The following MATN2 variants were observed in gnomAD, a reference collection of about 807,000 sequenced individuals.
The protein encoded by MATN2 is matrilin-2.
A neutral mutation model predicts 103.2 loss-of-function variants in MATN2; 69 were observed. The observed-to-expected ratio is 0.67, with a 90% CI of 0.55 to 0.82. The LOEUF (loss-of-function observed/expected upper bound fraction) is 0.82, where lower values mean the gene tolerates loss of function less well. Ranked by LOEUF, MATN2 falls within the 40% of genes least tolerant of loss-of-function variation. The pLI is 0.00. For synonymous variants in MATN2, 429 were observed against 450.2 expected (o/e 0.95, Z 0.60); for missense variants, 1,023 against 1,211.5 (o/e 0.84, Z 2.31).
At chr8:97,922,421 A>G (rs1563668882) in intron 2 of MATN2, among the ~76,000 whole-genome samples, 1 of 152,184 alleles carries the variant, frequency 6.6e-6, no homozygotes, top group Non-Finnish European at 1.5e-5. Flanking sequence ...CTGAAAAAGA[A>G]TGTTAGCCTT....
chr8:97,960,456 C>T (rs989386353), intron 4 of MATN2, among the ~76,000 whole-genome samples: 2 of 152,116 alleles, frequency 1.3e-5, no homozygotes, highest in African/African-American at 4.8e-5. Flanking sequence ...TTTCATCCAC[C>T]AACATATTCT....
intron 6 of MATN2, among the ~76,000 whole-genome samples, chr8:97,986,218 T>C (rs533939188): frequency 1.3e-5 from 2 of 152,352 alleles, no homozygotes; most frequent in East Asian, 3.9e-4. Flanking sequence ...TATTCAAAAT[T>C]ATTTTCTAAA....
chr8:98,033,550 T>G lies in MATN2; in HGVS notation c.2717-11T>G, dbSNP rs747051883. 6.6e-7 allele frequency: 1 copy of G among 1,515,842 alleles called. No individual in the cohort carries two copies. The highest frequency in any genetic ancestry group is 1.2e-5 in the South Asian group (1 of 82,130). 93.9% of individuals were successfully genotyped at this position (1,515,842 alleles called of 1,614,324 possible). A position where few individuals can be genotyped will look rare whatever the true frequency, so the allele number is the denominator to read the frequency against. ...ATTCTAGAGGTGAACACTTTCCATC[T>G]GCTTTCTCAGGAAGCCCTTTGGAAG... On this transcript the variant is annotated splice_polypyrimidine_tract_variant and intron_variant, in intron 17 of 18. Transcript: ENST00000254898.
intron 7 of MATN2, among the ~76,000 whole-genome samples, chr8:97,998,144 G>T (rs113900743): frequency 0.045 from 6,781 of 151,452 alleles, 499 homozygotes; most frequent in African/African-American, 0.15. Flanking sequence ...TTGAATAGCT[G>T]CCTGCCAGAT....
chr8:97,911,454 A>G (rs1481688936), intron 2 of MATN2, among the ~76,000 whole-genome samples: 2 of 152,018 alleles, frequency 1.3e-5, no homozygotes, highest in African/African-American at 4.8e-5. Context: ...CACACCTGTA[A>G]TCCCAGCACT....
At chr8:97,876,416 C>T (rs146807676) in intron 1 of MATN2, among the ~76,000 whole-genome samples, 75 of 151,836 alleles carry the variant, frequency 4.9e-4, no homozygotes, top group East Asian at 1.2e-3. Flanking sequence ...CTTGAACTCC[C>T]GACCTCAGGT....
rs1408811639 is a variant in MATN2 at position 98,027,477 on chromosome 8, A to G, written c.2004A>G (p.Glu668=). 6.2e-7 allele frequency: 1 copy of G among 1,613,880 alleles called. No homozygotes were observed. The highest frequency in any genetic ancestry group is 8.5e-7 in the Non-Finnish European group (1 of 1,179,816). The stretch of plus-strand genomic sequence containing the variant: ...TCGATGGATCCAAGAGTCTTGGAGA[A>G]GAGAATTTTGAGGTCGTGAAGCAGT... The part of the protein sequence containing the change: ...FVIDGSKSLG[E]ENFEVVKQFV... The change falls in exon 14 of 19, where the codon GAA becomes GAG. Residue 668 remains glutamate (E), a synonymous_variant. Transcript: ENST00000254898.
intron 1 of MATN2, among the ~76,000 whole-genome samples, chr8:97,880,068 G>GA: frequency 7.0e-6 from 1 of 142,262 alleles, no homozygotes; most frequent in East Asian, 2.1e-4. Context: ...TTTATCGTTA[G>GA]AAAAATCTTT....
At position 98,036,571 on chromosome 8, in the gene MATN2, C is replaced by G. The variant is rs554884135; in HGVS notation, c.*859C>G. On this transcript the variant is annotated 3_prime_UTR_variant, in exon 19 of 19. Coordinates refer to ENST00000254898, the MANE Select transcript of MATN2 (RefSeq NM_002380.5). ...CAAAGAGACCTGCATAAGAATGTTA[C>G]TAGGCTTTGTAAAAGCAAAAAATAA... The G allele has an allele frequency of 6.6e-6, 1 of 152,272 alleles. No homozygotes were observed. Among genetic ancestry groups the G allele is most frequent in the African/African-American group, 2.4e-5 (1 of 41,552 alleles). 9.4% of individuals were successfully genotyped at this position (152,272 alleles called of 1,614,324 possible). A position where few individuals can be genotyped will look rare whatever the true frequency, so the allele number is the denominator to read the frequency against.
At chr8:97,927,411 C>T (rs1040521167) in intron 2 of MATN2, among the ~76,000 whole-genome samples, 1 of 152,030 alleles carries the variant, frequency 6.6e-6, no homozygotes, top group Non-Finnish European at 1.5e-5. Flanking sequence ...CTGCCTGCCT[C>T]GGCCTCCCAA....
intron 2 of MATN2, among the ~76,000 whole-genome samples, chr8:97,899,085 A>G (rs1818904707): frequency 6.7e-6 from 1 of 149,530 alleles, no homozygotes; most frequent in African/African-American, 2.5e-5. Flanking sequence ...AACCCCACCC[A>G]CCCTGTTTTA....
intron 4 of MATN2, among the ~76,000 whole-genome samples, chr8:97,955,579 C>T (rs1406617133): frequency 6.6e-6 from 1 of 152,222 alleles, no homozygotes; most frequent in Admixed American, 6.5e-5. Context: ...TTAATTGAGA[C>T]AGAGCTCTAG....
At position 97,959,348 on chromosome 8, in the gene MATN2, C is replaced by T. The variant is rs149013563; in HGVS notation, c.836-2060C>T. 1.8e-3 allele frequency among the ~76,000 whole-genome samples: 277 copies of T among 152,306 alleles called. 1 individual carries two copies. The highest frequency in any genetic ancestry group is 6.4e-3 in the African/African-American group (265 of 41,570). ...TCCCCAATGCTTGGGACATAGTATG[C>T]GCTCAAACCGTATTTATTGACTAAA... is the stretch of plus-strand genomic sequence containing the variant. On this transcript the variant is annotated intron_variant, in intron 4 of 18. Transcript: ENST00000254898.
intron 1 of MATN2, among the ~76,000 whole-genome samples, chr8:97,880,525 A>T (rs1446267816): frequency 2.6e-5 from 4 of 152,170 alleles, no homozygotes; most frequent in Non-Finnish European, 5.9e-5. Flanking sequence ...TTTTCCTTGG[A>T]AAGTAAGAAA....
At chr8:97,943,715 A>G (rs1810650745) in intron 4 of MATN2, among the ~76,000 whole-genome samples, 1 of 151,764 alleles carries the variant, frequency 6.6e-6, no homozygotes, top group Admixed American at 6.6e-5. Context: ...TCAACCCCCA[A>G]AGTGCTGAGA....
At chr8:98,000,026 A>G (rs901125073) in intron 7 of MATN2, among the ~76,000 whole-genome samples, 1 of 151,692 alleles carries the variant, frequency 6.6e-6, no homozygotes, top group Non-Finnish European at 1.5e-5. Flanking sequence ...GACTACAGAT[A>G]TGTACCACCA....
intron 11 of MATN2, 141 bp from the exon 12 acceptor site, chr8:98,017,853 G>A (rs1205942281): frequency 4.7e-6 from 4 of 843,262 alleles, no homozygotes; most frequent in Non-Finnish European, 7.5e-6. Flanking sequence ...GTTCTCAATT[G>A]TAACTTCCTG....
At position 98,007,408 on chromosome 8, in the gene MATN2, G is replaced by A. The variant is rs567112173; in HGVS notation, c.1451-71G>A. Reference sequence around the variant, plus strand: ...CGAGGGAGGGCGGGGTGAGCATGACGGTCACTTGATCCAATCACTGTCGCC... The same window carrying A: ...CGAGGGAGGGCGGGGTGAGCATGACAGTCACTTGATCCAATCACTGTCGCC... On this transcript the variant is annotated intron_variant, in intron 9 of 18. Transcript: ENST00000254898. This position sits in a 1 kb window ranked among gnomAD's most constrained non-coding sequence, Gnocchi z 4.2. The A allele has an allele frequency of 1.8e-3, 2,897 of 1,579,166 alleles. 6 individuals carry two copies. Among genetic ancestry groups the A allele is most frequent in the Admixed American group, 4.3e-3 (256 of 58,884 alleles).
intron 5 of MATN2, among the ~76,000 whole-genome samples, chr8:97,972,348 A>AAAG (rs1379373900): frequency 6.6e-6 from 1 of 151,670 alleles, no homozygotes; most frequent in Non-Finnish European, 1.5e-5. Context: ...CAAAAAAAAA[A>AAAG]AAAAAAAGAA....
Sources: allele counts gnomAD v4.1 joint callset (sites outside exome capture counted in the v4.1 genomes callset), GRCh38; gene constraint gnomAD v4.1.1; non-coding constraint Gnocchi (gnomAD v3.1); transcripts MANE v1.5; gene names NCBI Gene and HGNC (gene_info 2026-07-23, HGNC 2026-07-21).